The following H1-1 variants were observed in gnomAD, a reference collection of about 807,000 sequenced individuals.
The protein encoded by H1-1 is histone H1.1.
Under a neutral mutation model 0.8 loss-of-function variants are expected in H1-1, and 2 were observed. The observed-to-expected ratio is 2.64, with a 90% CI of 1.08 to 8.30. H1-1 has a LOEUF of 8.30. H1-1 is among the 30% of genes most tolerant of loss of function. H1-1 has a pLI of 0.04. For missense variants in H1-1, 516 were observed against 262.6 expected (o/e 1.97, Z -6.67); for synonymous variants, 211 against 108.2 (o/e 1.95, Z -5.89).
chr6:26,017,651 C>G lies in H1-1; in HGVS notation c.82G>C (p.Ala28Pro), dbSNP rs142084240. The change falls in exon 1 of 1, where the codon GCT (alanine) becomes CCT (proline). Residue 28 changes from alanine (A) to proline (P), a missense_variant. Transcript: ENST00000244573. ...PLAGKKAKKP[A>P]KAAAASKKKP... is the part of the protein sequence containing the mutation. ...TTCTTGGAGGCTGCTGCAGCCTTAGCAGGTTTCTTTGCCTTCTTGCCAGCT... is the reference window on the plus strand; with the variant it reads ...TTCTTGGAGGCTGCTGCAGCCTTAGGAGGTTTCTTTGCCTTCTTGCCAGCT... 1 of 1,614,150 alleles carries G rather than the reference C, an allele frequency of 6.2e-7. No homozygotes were observed. The highest frequency in any genetic ancestry group is 8.5e-7 in the Non-Finnish European group (1 of 1,180,026).
In H1-1 at chr6:26,017,763, G is replaced by T. The variant is rs752049023; in HGVS notation, c.-31C>A. On this transcript the variant is annotated 5_prime_UTR_variant, in exon 1 of 1. Transcript: ENST00000244573. ...CTAACACAGCACACCAAATAAAGTG[G>T]TATAAACCTGACGAAGCAGGATGCG... 2 of 1,582,156 alleles carry T rather than the reference G, an allele frequency of 1.3e-6. No homozygotes were observed. The highest frequency in any genetic ancestry group is 1.1e-5 in the South Asian group (1 of 88,926).
chr6:26,017,067 A>G lies in H1-1; in HGVS notation c.*18T>C. ...TTAAAAGAGCCGTTGGGTTACTAGA[A>G]GAAACTTCTAACTGAATTTACTTTT... On this transcript the variant is annotated 3_prime_UTR_variant, in exon 1 of 1. Transcript: ENST00000244573. 6.4e-7 allele frequency: 1 copy of G among 1,564,960 alleles called. No individual in the cohort carries two copies. The highest frequency in any genetic ancestry group is 8.6e-7 in the Non-Finnish European group (1 of 1,163,766).
Position 26,017,545 on chromosome 6 carries a change from G to A in H1-1, c.188C>T (p.Ala63Val). Residue 63 changes from alanine to valine, a missense_variant, in exon 1 of 1, where the codon GCA (alanine) becomes GTA (valine). Ala to Val is a moderately conservative substitution (Grantham distance 64, BLOSUM62 0). Coordinates refer to ENST00000244573, the MANE Select transcript of H1-1 (RefSeq NM_005325.4). The stretch of plus-strand genomic sequence containing the variant: ...GGCCGCCAGCGCCTTTTTAAGAGCT[G>A]CCAACGACACACCACCACGCTCCTT... ...SSKERGGVSL[A>V]ALKKALAAAG... 6.8e-6 allele frequency: 11 copies of A among 1,614,122 alleles called. No homozygotes were observed. Among genetic ancestry groups the A allele is most frequent in the Non-Finnish European group, 9.3e-6 (11 of 1,180,018 alleles).
Position 26,017,326 on chromosome 6 carries a change from G to A in H1-1, c.407C>T (p.Ser136Phe), listed in dbSNP as rs1761139736. ...VATKTKATGA[S>F]KKLKKATGAS... ...CCCCGTGGCCTTTTTGAGCTTTTTA[G>A]ATGCACCCGTTGCCTTAGTTTTTGT... Residue 136 changes from serine to phenylalanine, a missense_variant, in exon 1 of 1, where the codon TCT (serine) becomes TTT (phenylalanine). Ser to Phe is a radical substitution (Grantham distance 155). Coordinates refer to ENST00000244573, the MANE Select transcript of H1-1 (RefSeq NM_005325.4). 1 of 1,613,998 alleles carries A rather than the reference G, an allele frequency of 6.2e-7. No homozygotes were observed. The highest frequency in any genetic ancestry group is 8.5e-7 in the Non-Finnish European group (1 of 1,179,970).
chr6:26,017,213 T>C lies in H1-1; in HGVS notation c.520A>G (p.Thr174Ala). 1.2e-6 allele frequency: 2 copies of C among 1,614,102 alleles called. No homozygotes were observed. The highest frequency in any genetic ancestry group is 1.1e-5 in the South Asian group (1 of 91,082). ...TTAGCTACTTTCTTGGGCTTTACAG[T>C]TTTGGGTTTTTTTGGATTCTTGGAG... ...KSSKNPKKPK[T>A]VKPKKVAKSP... Residue 174 changes from threonine (T) to alanine (A), a missense_variant, in exon 1 of 1, where the codon ACT (threonine) becomes GCT (alanine). Thr to Ala is a moderately conservative substitution (Grantham distance 58). Transcript: ENST00000244573.
rs1761150603 is a variant in H1-1 at position 26,017,611 on chromosome 6, G to A, written c.122C>T (p.Pro41Leu). The A allele has an allele frequency of 6.8e-6, 11 of 1,614,086 alleles. No homozygotes were observed. The highest frequency in any genetic ancestry group is 2.2e-5 in the East Asian group (1 of 44,892). Residue 41 changes from proline (P) to leucine (L), a missense_variant, in exon 1 of 1, where the codon CCT (proline) becomes CTT (leucine). Physicochemically the swap from Pro to Leu is moderately conservative, Grantham distance 98 (BLOSUM62 -3). Coordinates refer to ENST00000244573, the MANE Select transcript of H1-1 (RefSeq NM_005325.4). ...CTGCACGATCAGCTCTGACACGGAAGGGCCAGCGGGTTTTTTCTTGGAGGC... is the reference window on the plus strand; with the variant it reads ...CTGCACGATCAGCTCTGACACGGAAAGGCCAGCGGGTTTTTTCTTGGAGGC... ...AAASKKKPAG[P>L]SVSELIVQAA...
In H1-1 at chr6:26,017,731, ATGG is replaced by A; in HGVS notation, c.-2_1del. 6.2e-7 allele frequency: 1 copy of A among 1,612,416 alleles called. No individual in the cohort carries two copies. The highest frequency in any genetic ancestry group is 1.1e-5 in the South Asian group (1 of 91,042). On this transcript the variant is annotated start_lost and start_retained_variant and 5_prime_UTR_variant, in exon 1 of 1. Transcript: ENST00000244573. ...GGGGGCGGGAGGCACTGTTTCAGAC[ATGG>A]TGACTAACACAGCACACCAAATAAA...
Position 26,017,782 on chromosome 6 carries a change from G to C in H1-1, c.-50C>G. On this transcript the variant is annotated 5_prime_UTR_variant, in exon 1 of 1. Transcript: ENST00000244573. ...AAAGTGGTATAAACCTGACGAAGCA[G>C]GATGCGAAAAAAAGGCCCCAACGCA... 1 of 1,545,324 alleles carries C rather than the reference G, an allele frequency of 6.5e-7. No homozygotes were observed. The highest frequency in any genetic ancestry group is 8.8e-7 in the Non-Finnish European group (1 of 1,140,382).
rs745429867 is a variant in H1-1, at chr6:26,017,184, G to A, written c.549C>T (p.Ser183=). Residue 183 remains serine, a synonymous_variant, in exon 1 of 1, where the codon AGC becomes AGT. Coordinates refer to ENST00000244573, the MANE Select transcript of H1-1 (RefSeq NM_005325.4). ...GTTTTACAGCCTTAGCTTTAGCAGG[G>A]CTTTTAGCTACTTTCTTGGGCTTTA... is the stretch of plus-strand genomic sequence containing the variant. The part of the protein sequence containing the change: ...KTVKPKKVAK[S]PAKAKAVKPK... 4 of 1,614,098 alleles carry A rather than the reference G, an allele frequency of 2.5e-6. No individual in the cohort carries two copies. Among genetic ancestry groups the A allele is most frequent in the Non-Finnish European group, 3.4e-6 (4 of 1,180,012 alleles).
rs780868207 is a variant in H1-1 at position 26,017,120 on chromosome 6, C to A, written c.613G>T (p.Ala205Ser). Reference protein sequence around the residue: ...AKARVTKPKTAKPKKAAPKKK With the variant: ...AKARVTKPKTSKPKKAAPKKK Reference sequence around the variant, plus strand: ...TTGGGTGCCGCTTTCTTGGGTTTGGCAGTCTTTGGCTTCGTCACCCTAGCC... The same window carrying A: ...TTGGGTGCCGCTTTCTTGGGTTTGGAAGTCTTTGGCTTCGTCACCCTAGCC... Residue 205 changes from alanine to serine, a missense_variant, in exon 1 of 1, where the codon GCC becomes TCC. By Grantham distance (99) the Ala-to-Ser change is moderately conservative (BLOSUM62 1). Coordinates refer to ENST00000244573, the MANE Select transcript of H1-1 (RefSeq NM_005325.4). 1 of 1,591,466 alleles carries A rather than the reference C, an allele frequency of 6.3e-7. No homozygotes were observed. Among genetic ancestry groups the A allele is most frequent in the Non-Finnish European group, 8.5e-7 (1 of 1,173,874 alleles).
rs1761157045 is a variant in H1-1 at position 26,017,753 on chromosome 6, A to G, written c.-21T>C. On this transcript the variant is annotated 5_prime_UTR_variant, in exon 1 of 1. Transcript: ENST00000244573. ...GACATGGTGACTAACACAGCACACC[A>G]AATAAAGTGGTATAAACCTGACGAA... 6.2e-7 allele frequency: 1 copy of G among 1,601,550 alleles called. No individual in the cohort carries two copies. Among genetic ancestry groups the G allele is most frequent in the Non-Finnish European group, 8.5e-7 (1 of 1,173,200 alleles).
In H1-1 at chr6:26,017,074, TCTAA is replaced by T; in HGVS notation, c.*7_*10del. On this transcript the variant is annotated 3_prime_UTR_variant, in exon 1 of 1. Coordinates refer to ENST00000244573, the MANE Select transcript of H1-1 (RefSeq NM_005325.4). ...AGCCGTTGGGTTACTAGAAGAAACT[TCTAA>T]CTGAATTTACTTTTTCTTGGGTGCC... 1 of 1,570,282 alleles carries T rather than the reference TCTAA, an allele frequency of 6.4e-7. No homozygotes were observed. The highest frequency in any genetic ancestry group is 8.6e-7 in the Non-Finnish European group (1 of 1,166,680).
rs780480679 is a variant in H1-1, at chr6:26,017,376, G to C, written c.357C>G (p.Thr119=). Residue 119 remains threonine (T), a synonymous_variant, in exon 1 of 1, where the codon ACC becomes ACG. Coordinates refer to ENST00000244573, the MANE Select transcript of H1-1 (RefSeq NM_005325.4). ...TAGCCACCTTTGAGGCGCCGGGCTT[G>C]GTTTCCACGGAGGACGCCTTCTTGT... ...KLNKKASSVE[T]KPGASKVATK... The C allele has an allele frequency of 2.5e-6, 4 of 1,613,966 alleles. No individual in the cohort carries two copies. Among genetic ancestry groups the C allele is most frequent in the African/African-American group, 2.7e-5 (2 of 74,892 alleles).
rs777145078 is a variant in H1-1, at chr6:26,017,481, C to T, written c.252G>A (p.Lys84=). The change falls in exon 1 of 1, where the codon AAG becomes AAA. Residue 84 remains lysine, a synonymous_variant. Transcript: ENST00000244573. ...TGCTTACCAGGCTCTTAATGCCCAG[C>T]TTAATGCGGCTGTTGTTCTTCTCCA... is the stretch of plus-strand genomic sequence containing the variant. The part of the protein sequence containing the change: ...YDVEKNNSRI[K]LGIKSLVSKG... 5.0e-6 allele frequency: 8 copies of T among 1,614,152 alleles called. No individual in the cohort carries two copies. Among genetic ancestry groups the T allele is most frequent in the East Asian group, 2.2e-5 (1 of 44,872 alleles).
chr6:26,017,600 C>CT lies in H1-1; in HGVS notation c.132dup (p.Glu45ArgfsTer11). On this transcript the variant is annotated frameshift_variant, in exon 1 of 1. Transcript: ENST00000244573. LOFTEE classifies it low-confidence loss of function (END_TRUNC). ...GAGGAAGCAGCCTGCACGATCAGCT[C>CT]TGACACGGAAGGGCCAGCGGGTTTT... 13 of 1,614,206 alleles carry CT rather than the reference C, an allele frequency of 8.1e-6. No individual in the cohort carries two copies. The highest frequency in any genetic ancestry group is 1.1e-5 in the Non-Finnish European group (13 of 1,180,036).
At position 26,017,587 on chromosome 6, in the gene H1-1, T is replaced by G; in HGVS notation, c.146A>C (p.Gln49Pro). 1 of 1,614,192 alleles carries G rather than the reference T, an allele frequency of 6.2e-7. No homozygotes were observed. The highest frequency in any genetic ancestry group is 8.5e-7 in the Non-Finnish European group (1 of 1,180,050). ...ACGCTCCTTAGAGGAGGAAGCAGCC[T>G]GCACGATCAGCTCTGACACGGAAGG... is the stretch of plus-strand genomic sequence containing the variant. The part of the protein sequence containing the change: ...AGPSVSELIV[Q>P]AASSSKERGG... The change falls in exon 1 of 1, where the codon CAG becomes CCG. Residue 49 changes from glutamine to proline, a missense_variant. By Grantham distance (76) the Gln-to-Pro change is moderately conservative. Transcript: ENST00000244573.
In H1-1 at chr6:26,017,323, T is replaced by C. The variant is rs1761139620; in HGVS notation, c.410A>G (p.Lys137Arg). The change falls in exon 1 of 1, where the codon AAA becomes AGA. Residue 137 changes from lysine to arginine, a missense_variant. Lys to Arg is a conservative substitution (Grantham distance 26, BLOSUM62 2). Transcript: ENST00000244573. ...ATKTKATGAS[K>R]KLKKATGASK... Reference sequence around the variant, plus strand: ...AGCCCCCGTGGCCTTTTTGAGCTTTTTAGATGCACCCGTTGCCTTAGTTTT... The same window carrying C: ...AGCCCCCGTGGCCTTTTTGAGCTTTCTAGATGCACCCGTTGCCTTAGTTTT... 1 of 1,614,060 alleles carries C rather than the reference T, an allele frequency of 6.2e-7. No individual in the cohort carries two copies. The highest frequency in any genetic ancestry group is 2.2e-5 in the East Asian group (1 of 44,864).
rs773982795 is a variant in H1-1 at position 26,017,266 on chromosome 6, G to A, written c.467C>T (p.Ala156Val). 1.2e-6 allele frequency: 2 copies of A among 1,613,892 alleles called. No homozygotes were observed. Among genetic ancestry groups the A allele is most frequent in the African/African-American group, 2.7e-5 (2 of 74,832 alleles). The change falls in exon 1 of 1, where the codon GCT becomes GTT. Residue 156 changes from alanine (A) to valine (V), a missense_variant. Physicochemically the swap from Ala to Val is moderately conservative, Grantham distance 64. Transcript: ENST00000244573. ...TTTCCTTGTTGCCGCAGGCTTTTTA[G>A]CCTTTTTCGGAGTCTTGACGCTCTT... ...SKKSVKTPKK[A>V]KKPAATRKSS...
At position 26,017,189 on chromosome 6, in the gene H1-1, T is replaced by C. The variant is rs780297296; in HGVS notation, c.544A>G (p.Lys182Glu). 33 of 1,614,056 alleles carry C rather than the reference T, an allele frequency of 2.0e-5. No homozygotes were observed. The highest frequency in any genetic ancestry group is 2.8e-5 in the Non-Finnish European group (33 of 1,180,024). ...ACAGCCTTAGCTTTAGCAGGGCTTT[T>C]AGCTACTTTCTTGGGCTTTACAGTT... ...PKTVKPKKVA[K>E]SPAKAKAVKP... Residue 182 changes from lysine to glutamate, a missense_variant, in exon 1 of 1, where the codon AAA becomes GAA. Transcript: ENST00000244573.
Sources: gnomAD v4.1 joint callset for allele counts on GRCh38, gnomAD v4.1.1 for gene constraint, MANE v1.5 for transcripts, NCBI Gene and HGNC (gene_info 2026-07-23, HGNC 2026-07-21) for gene names.